The following KDM6B variants were observed in gnomAD, a reference collection of about 807,000 sequenced individuals.
The protein encoded by KDM6B is lysine-specific demethylase 6B.
KDM6B carries 22 observed loss-of-function variants against 150.4 expected under a neutral mutation model. The ratio of observed to expected loss-of-function variants is 0.15; its 90% CI spans 0.10 to 0.21. KDM6B has a LOEUF of 0.21. Among genes scored for constraint, KDM6B ranks in the 10% least tolerant of loss-of-function variants. The pLI, the probability that KDM6B is intolerant of heterozygous loss-of-function variation, is 1.00. For missense variants in KDM6B, 1,984 were observed against 2,234.3 expected (o/e 0.89, Z 2.26); for synonymous variants, 1,148 against 921.1 (o/e 1.25, Z -4.46).
At position 7,853,602 on chromosome 17, in the gene KDM6B, C is replaced by A. The variant is rs1329396466; in HGVS notation, c.*81C>A. 2 of 1,106,446 alleles carry A rather than the reference C, an allele frequency of 1.8e-6. No homozygotes were observed. The highest frequency in any genetic ancestry group is 7.3e-5 in the East Asian group (2 of 27,358). 68.5% of individuals were successfully genotyped at this position (1,106,446 alleles called of 1,614,324 possible). Reference sequence around the variant, plus strand: ...ACATGCCTGGGCTGGACCTAGGTCCCGCCTGTGGCCGAGAAGGGGGTCGGG... The same window carrying A: ...ACATGCCTGGGCTGGACCTAGGTCCAGCCTGTGGCCGAGAAGGGGGTCGGG... On this transcript the variant is annotated 3_prime_UTR_variant, in exon 24 of 24. Coordinates refer to ENST00000448097, the MANE Select transcript of KDM6B (RefSeq NM_001348716.2).
intron 14 of KDM6B, 152 bp from the exon 15 acceptor site, chr17:7,850,869 T>A (rs1277358280): frequency 4.1e-6 from 3 of 726,292 alleles, no homozygotes; most frequent in African/African-American, 1.7e-5. Context: ...CCTGTGGGGC[T>A]AGGGCTCCTG....
chr17:7,851,897 G>T, intron 18 of KDM6B, 54 bp from the exon 19 acceptor site: 1 of 1,602,472 alleles, frequency 6.2e-7, no homozygotes, highest in East Asian at 2.3e-5. Flanking sequence ...CGGGGCTATC[G>T]GGGATCGCAG....
chr17:7,851,247 G>C (rs1465193072), intron 15 of KDM6B, 21 bp downstream of exon 15: 1 of 1,613,942 alleles, frequency 6.2e-7, no homozygotes, highest in Admixed American at 1.7e-5. Flanking sequence ...AACGTGGCCA[G>C]AGGCAGGTCC....
intron 18 of KDM6B, 39 bp from the exon 19 acceptor site, chr17:7,851,912 G>T (rs777130537): frequency 3.1e-6 from 5 of 1,608,828 alleles, no homozygotes; most frequent in Middle Eastern, 1.7e-4. Flanking sequence ...TCGCAGTTCC[G>T]ACCTGGCCAG....
At position 7,848,352 on chromosome 17, in the gene KDM6B, C is replaced by G. The variant is rs1327408592; in HGVS notation, c.2064C>G (p.Phe688Leu). ...ACCAGTTTGAGGAGCCAGCCGAATT[C>G]AAGATCCTACCTGATGGGCTGGCCA... ...LEDQFEEPAE[F>L]KILPDGLANI... The change falls in exon 12 of 24, where the codon TTC (phenylalanine) becomes TTG (leucine). Residue 688 changes from phenylalanine (F) to leucine (L), a missense_variant. By Grantham distance (22) the Phe-to-Leu change is conservative (BLOSUM62 0). This residue lies in a region of KDM6B where 1,379 missense variants were observed against 1,275.6 expected (regional missense o/e 1.08). Transcript: ENST00000448097. 1.2e-6 allele frequency: 2 copies of G among 1,612,856 alleles called. No individual in the cohort carries two copies. Among genetic ancestry groups the G allele is most frequent in the Non-Finnish European group, 1.7e-6 (2 of 1,180,026 alleles).
At position 7,834,630 on chromosome 17, in the gene KDM6B, A is replaced by AGGGCG. The variant is rs561335666; in HGVS notation, c.-388+296_-388+300dup. Among the ~76,000 whole-genome samples, 330 of 144,440 alleles carry AGGGCG rather than the reference A, an allele frequency of 2.3e-3. 12 individuals carry two copies. The South Asian group carries it at 0.041, about 18-fold the overall frequency. The allele number at this position is 144,440 out of a possible 152,430, so 94.8% of individuals were successfully genotyped here. ...GGCTGGGATTCCCCTTCCCGACTCC[A>AGGGCG]GGGCGGGGCGGGGCGGGGCGCGGCG... On this transcript the variant is annotated intron_variant, in intron 1 of 23. Coordinates refer to ENST00000448097, the MANE Select transcript of KDM6B (RefSeq NM_001348716.2).
Position 7,853,034 on chromosome 17 carries a change from G to A in KDM6B, c.4645G>A (p.Val1549Met), listed in dbSNP as rs1218793622. 6.2e-7 allele frequency: 1 copy of A among 1,614,068 alleles called. No homozygotes were observed. Among genetic ancestry groups the A allele is most frequent in the Admixed American group, 1.7e-5 (1 of 60,018 alleles). The change falls in exon 22 of 24, where the codon GTG becomes ATG. Residue 1549 changes from valine to methionine, a missense_variant. By Grantham distance (21) the Val-to-Met change is conservative. This residue lies in a region of KDM6B where 18 missense variants were observed against 23.6 expected (regional missense o/e 0.76). Coordinates refer to ENST00000448097, the MANE Select transcript of KDM6B (RefSeq NM_001348716.2). ...CLLQSMKHCQ[V>M]QRESLVRAGK... ...GCTGCAGTCCATGAAGCACTGCCAG[G>A]TGCAACGCGAGAGCCTGGTGCGGGC...
At chr17:7,835,491 C>T (rs1238549937) in intron 1 of KDM6B, among the ~76,000 whole-genome samples, 1 of 151,986 alleles carries the variant, frequency 6.6e-6, no homozygotes, top group African/African-American at 2.4e-5. Context: ...GCAGCGTTGA[C>T]CTCGGCTCCC....
chr17:7,852,575 G>A lies in KDM6B; in HGVS notation c.4549G>A (p.Val1517Met). ...NVKSIVPMIH[V>M]SWNVARTVKI... is the part of the protein sequence containing the mutation. ...CAAATCCATCGTGCCCATGATTCAC[G>A]TGTCATGGAACGTGGCTCGCACGGT... The change falls in exon 21 of 24, where the codon GTG becomes ATG. Residue 1517 changes from valine (V) to methionine (M), a missense_variant. By Grantham distance (21) the Val-to-Met change is conservative. Coordinates refer to ENST00000448097, the MANE Select transcript of KDM6B (RefSeq NM_001348716.2). 1 of 1,614,164 alleles carries A rather than the reference G, an allele frequency of 6.2e-7. No individual in the cohort carries two copies. Among genetic ancestry groups the A allele is most frequent in the Admixed American group, 1.7e-5 (1 of 60,032 alleles).
At position 7,848,498 on chromosome 17, in the gene KDM6B, C is replaced by T. The variant is rs551169551; in HGVS notation, c.2210C>T (p.Pro737Leu). The change falls in exon 12 of 24, where the codon CCC (proline) becomes CTC (leucine). Residue 737 changes from proline to leucine, a missense_variant. Physicochemically the swap from Pro to Leu is moderately conservative, Grantham distance 98. Around this residue, in one of 13 missense-constraint regions of KDM6B, gnomAD observed 1,379 missense variants for 1,275.6 expected, o/e 1.08. Coordinates refer to ENST00000448097, the MANE Select transcript of KDM6B (RefSeq NM_001348716.2). The part of the protein sequence containing the change: ...EPFASLQSPF[P>L]TDTAPTTTAP... ...TTTGCATCTCTGCAGTCTCCTTTCC[C>T]CACCGACACAGCCCCCACCACTACT... is the stretch of plus-strand genomic sequence containing the variant. 1.9e-5 allele frequency: 31 copies of T among 1,612,160 alleles called. No individual in the cohort carries two copies. In the South Asian group the frequency reaches 3.3e-4, roughly 17 times the overall value.
At chr17:7,849,770 C>G (rs1436328170) in intron 12 of KDM6B, 42 bp downstream of exon 12, 1 of 1,612,826 alleles carries the variant, frequency 6.2e-7, no homozygotes, top group South Asian at 1.1e-5. Context: ...GACAGGCTCC[C>G]TTCCCCCATC....
At chr17:7,842,708 G>C (rs2078442675) in intron 2 of KDM6B, among the ~76,000 whole-genome samples, 1 of 152,098 alleles carries the variant, frequency 6.6e-6, no homozygotes, top group South Asian at 2.1e-4. Context: ...GTGGTGAGCC[G>C]GTGTGTGGGC....
intron 21 of KDM6B, 72 bp downstream of exon 21, chr17:7,852,708 C>T (rs2078723135): frequency 1.3e-6 from 2 of 1,594,306 alleles, no homozygotes; most frequent in South Asian, 2.2e-5. Context: ...TGTCTGACTC[C>T]ACCCCATTTT....
chr17:7,850,983 G>C, intron 14 of KDM6B, 38 bp from the exon 15 acceptor site: 1 of 1,303,520 alleles, frequency 7.7e-7, no homozygotes. Context: ...CCTATCCTCT[G>C]CCTCTGCCCC....
In KDM6B at chr17:7,853,147, G is replaced by C. The variant is rs768583093; in HGVS notation, c.4737+21G>C. ...GCGATGTGAGTGGGCCGGCTCTGCTGCTCTCCCTGAGTGTCCACAGTGGCC... is the reference window on the plus strand; with the variant it reads ...GCGATGTGAGTGGGCCGGCTCTGCTCCTCTCCCTGAGTGTCCACAGTGGCC... On this transcript the variant is annotated intron_variant, in intron 22 of 23. Transcript: ENST00000448097. The C allele has an allele frequency of 8.7e-6, 14 of 1,613,926 alleles. 1 individual carries two copies. The South Asian group carries it at 1.5e-4, about 18-fold the overall frequency.
Position 7,844,200 on chromosome 17 carries a change from C to A in KDM6B, c.-268-701C>A, listed in dbSNP as rs1174439965. 1 of 152,026 alleles carries A rather than the reference C, an allele frequency of 6.6e-6. No individual in the cohort carries two copies. The highest frequency in any genetic ancestry group is 1.5e-5 in the Non-Finnish European group (1 of 68,016). 9.4% of individuals were successfully genotyped at this position (152,026 alleles called of 1,614,324 possible). A position where few individuals can be genotyped will look rare whatever the true frequency, so the allele number is the denominator to read the frequency against. Reference sequence around the variant, plus strand: ...ACCGCGTGGCCCCGGCGGGGAAGGGCAGAGAGGATACGCGAGCCACGAGAG... The same window carrying A: ...ACCGCGTGGCCCCGGCGGGGAAGGGAAGAGAGGATACGCGAGCCACGAGAG... On this transcript the variant is annotated intron_variant, in intron 2 of 23. Transcript: ENST00000448097. This position sits in a 1 kb window ranked among gnomAD's most constrained non-coding sequence, Gnocchi z 5.9.
In KDM6B at chr17:7,845,708, C is replaced by T; in HGVS notation, c.137+17C>T. ...TGGAGGCAGGTGAGAAGTTGGGGCC[C>T]TCTGTCTCCAGGCACACCTCTTTCC... is the stretch of plus-strand genomic sequence containing the variant. On this transcript the variant is annotated intron_variant, in intron 5 of 23. Transcript: ENST00000448097. 4 of 1,614,136 alleles carry T rather than the reference C, an allele frequency of 2.5e-6. No homozygotes were observed. The highest frequency in any genetic ancestry group is 1.1e-5 in the South Asian group (1 of 91,088).
intron 2 of KDM6B, among the ~76,000 whole-genome samples, chr17:7,842,712 T>A (rs2078442740): frequency 6.6e-6 from 1 of 151,754 alleles, no homozygotes; most frequent in Middle Eastern, 3.2e-3. Flanking sequence ...TGAGCCGGTG[T>A]GTGGGCTGAG....
At chr17:7,842,166 A>G (rs2151372213) in intron 2 of KDM6B, among the ~76,000 whole-genome samples, 1 of 152,134 alleles carries the variant, frequency 6.6e-6, no homozygotes, top group East Asian at 1.9e-4. Context: ...GCTCAAGCCC[A>G]GAGAGAGTTA....
Sources: gnomAD v4.1 joint callset for allele counts (sites outside exome capture counted in the v4.1 genomes callset) on GRCh38, gnomAD v4.1.1 for gene constraint, gnomAD v4.1.1 regional missense constraint, Gnocchi (gnomAD v3.1) non-coding constraint, MANE v1.5 for transcripts, NCBI Gene and HGNC (gene_info 2026-07-23, HGNC 2026-07-21) for gene names.